Variants in INTS6 observed in about 807,000 individuals in gnomAD.
The protein encoded by INTS6 is DEAD box protein.
Under a neutral mutation model 104.9 loss-of-function variants are expected in INTS6, and 16 were observed. The ratio of observed to expected loss-of-function variants is 0.15; its 90% CI spans 0.10 to 0.23. The LOEUF (loss-of-function observed/expected upper bound fraction) is 0.23. INTS6 is among the 10% of genes least tolerant of loss of function. The pLI is 1.00. For synonymous variants in INTS6, 324 were observed against 358.7 expected, an observed-to-expected ratio of 0.90 and a Z score of 1.09; for missense variants, 584 against 1,062.8, an observed-to-expected ratio of 0.55 and a Z score of 6.26.
At chr13:51,393,539 A>T (rs1956282624) in intron 5 of INTS6, among the ~76,000 whole-genome samples, 1 of 152,228 alleles carries the variant, frequency 6.6e-6, no homozygotes, top group Admixed American at 6.5e-5. Flanking sequence ...AAGGAAACAC[A>T]TTATTCAGAG....
Position 51,383,586 on chromosome 13 carries a change from T to C in INTS6, c.1047+3A>G, listed in dbSNP as rs1471545480. ...TGGGGTCACTGTAAGTTGTTCAGCT[T>C]ACCTGCCAACATGTTTGAGGAGATT... On this transcript the variant is annotated splice_donor_region_variant and intron_variant, in intron 8 of 17. Transcript: ENST00000311234. 3 of 1,613,004 alleles carry C rather than the reference T, an allele frequency of 1.9e-6. No individual in the cohort carries two copies. Among genetic ancestry groups the C allele is most frequent in the South Asian group, 2.2e-5 (2 of 90,892 alleles).
At chr13:51,400,627 G>A (rs1024047801) in intron 4 of INTS6, among the ~76,000 whole-genome samples, 1 of 151,972 alleles carries the variant, frequency 6.6e-6, no homozygotes, top group Admixed American at 6.5e-5. Context: ...CTATTTCTGT[G>A]TCAAAAACAG....
chr13:51,359,201 C>T (rs545293658), downstream of INTS6, among the ~76,000 whole-genome samples: 35 of 152,120 alleles, frequency 2.3e-4, no homozygotes, highest in South Asian at 7.3e-3. Flanking sequence ...AGGAGAATCC[C>T]TTTGTGCTTG....
At chr13:51,358,019 G>C (rs1955507113), downstream of INTS6, among the ~76,000 whole-genome samples, 1 of 152,114 alleles carries the variant, frequency 6.6e-6, no homozygotes, top group Non-Finnish European at 1.5e-5. Flanking sequence ...CAGATGTCTG[G>C]TCAGAATTGC....
chr13:51,401,415 A>G (rs1475063473), intron 4 of INTS6, among the ~76,000 whole-genome samples: 1 of 152,130 alleles, frequency 6.6e-6, no homozygotes, highest in Admixed American at 6.5e-5. Flanking sequence ...GAAAACTGAG[A>G]ATCACAGTAC....
chr13:51,371,647 C>T (rs1955807221), intron 15 of INTS6, among the ~76,000 whole-genome samples: 1 of 152,030 alleles, frequency 6.6e-6, no homozygotes, highest in Admixed American at 6.6e-5. Context: ...CAATCACCAT[C>T]TCTACTTGGA....
the INTS6 span, chr13:51,344,614 G>A: frequency 1.4e-6 from 1 of 719,676 alleles, no homozygotes; most frequent in Non-Finnish European, 2.4e-6. Flanking sequence ...GTCCTCTTAG[G>A]AGATCCTACC....
In INTS6 at chr13:51,365,291, T is replaced by G. The variant is rs1450427519; in HGVS notation, c.*461A>C. The G allele has an allele frequency of 6.5e-6, 1 of 152,688 alleles. No individual in the cohort carries two copies. Among genetic ancestry groups the G allele is most frequent in the Non-Finnish European group, 1.5e-5 (1 of 68,092 alleles). 9.5% of individuals were successfully genotyped at this position (152,688 alleles called of 1,614,324 possible). A position where few individuals can be genotyped will look rare whatever the true frequency, so the allele number is the denominator to read the frequency against. On this transcript the variant is annotated 3_prime_UTR_variant, in exon 18 of 18. Transcript: ENST00000311234. ...TTCTTAAATATTCTTCAAAATACAT[T>G]TGTACAACTTACAATAATATATCCA...
intron 5 of INTS6, among the ~76,000 whole-genome samples, chr13:51,392,555 C>A (rs181382756): frequency 2.0e-5 from 3 of 152,332 alleles, no homozygotes; most frequent in African/African-American, 7.2e-5. Context: ...GAGCATGTCC[C>A]TTTCCTTGCC....
the INTS6 span, chr13:51,340,965 C>T: frequency 1.0e-5 from 11 of 1,068,774 alleles, no homozygotes; most frequent in African/African-American, 4.7e-5. Flanking sequence ...CTCCCTCAGC[C>T]GTCCCTAGCC....
rs182456969 is a variant in INTS6, at chr13:51,370,647, T to C, written c.2105-1337A>G. Among the ~76,000 whole-genome samples, 7 of 152,298 alleles carry C rather than the reference T, an allele frequency of 4.6e-5. No individual in the cohort carries two copies. The East Asian group carries it at 1.4e-3, about 29-fold the overall frequency. ...TACATACAGTCCAATGGTGGTGGGC[T>C]GGACAGGATAACTGCACGGCCCAGT... On this transcript the variant is annotated intron_variant, in intron 15 of 17. Coordinates refer to ENST00000311234, the MANE Select transcript of INTS6 (RefSeq NM_012141.3).
At chr13:51,346,988 C>T in the INTS6 span, 11 of 1,482,514 alleles carry the variant, frequency 7.4e-6, no homozygotes, top group Admixed American at 5.9e-5. Context: ...TTTCAATGCA[C>T]ATTTAACCCA....
chr13:51,403,378 C>T (rs1161081240), intron 4 of INTS6, among the ~76,000 whole-genome samples: 4 of 151,906 alleles, frequency 2.6e-5, no homozygotes, highest in African/African-American at 7.3e-5. Flanking sequence ...GTCAGCAGAT[C>T]GAGACCATTC....
intron 4 of INTS6, among the ~76,000 whole-genome samples, chr13:51,419,271 C>T (rs1241047470): frequency 6.6e-6 from 1 of 152,168 alleles, no homozygotes; most frequent in Non-Finnish European, 1.5e-5. Flanking sequence ...ATAACTTTCT[C>T]CTCTACTAAA....
chr13:51,401,608 G>T (rs1285737387), intron 4 of INTS6, among the ~76,000 whole-genome samples: 2 of 152,078 alleles, frequency 1.3e-5, no homozygotes, highest in Non-Finnish European at 2.9e-5. Context: ...TTTTATAGTG[G>T]TTACTATTAG....
At chr13:51,417,078 T>C (rs1202751892) in intron 4 of INTS6, among the ~76,000 whole-genome samples, 1 of 152,238 alleles carries the variant, frequency 6.6e-6, no homozygotes, top group African/African-American at 2.4e-5. Flanking sequence ...ATTGTCTTTT[T>C]ATTTTTATGT....
chr13:51,358,835 G>T (rs1264241888), downstream of INTS6, among the ~76,000 whole-genome samples: 1 of 152,064 alleles, frequency 6.6e-6, no homozygotes, highest in Non-Finnish European at 1.5e-5. Context: ...ATGTTGTATT[G>T]TAGGAGCAAG....
At chr13:51,386,565 A>C (rs907118122) in intron 7 of INTS6, among the ~76,000 whole-genome samples, 1 of 152,312 alleles carries the variant, frequency 6.6e-6, no homozygotes, top group Admixed American at 6.5e-5. Context: ...TCACTTTATA[A>C]ACTCAAAATA....
At chr13:51,440,795 G>C (rs1031079817) in intron 3 of INTS6, 1 of 152,094 alleles carries the variant, frequency 6.6e-6, no homozygotes, top group African/African-American at 2.4e-5. Context: ...TCCCATCTAG[G>C]TTTCTGTAGG....
Sources: allele counts gnomAD v4.1 joint callset (sites outside exome capture counted in the v4.1 genomes callset), GRCh38; gene constraint gnomAD v4.1.1; transcripts MANE v1.5; gene names NCBI Gene and HGNC (gene_info 2026-07-23, HGNC 2026-07-21).